Variants in KPNA7 observed in about 807,000 individuals in gnomAD.
KPNA7 encodes the protein importin subunit alpha-8.
A neutral mutation model predicts 53.7 loss-of-function variants in KPNA7; 54 were observed. The ratio of observed to expected loss-of-function variants is 1.01; its 90% CI spans 0.81 to 1.26. The LOEUF is 1.26. KPNA7 is among the 50% of genes most tolerant of loss of function. KPNA7 has a pLI of 0.00. For synonymous variants in KPNA7, 276 were observed against 259.3 expected (o/e 1.06, Z -0.62); for missense variants, 640 against 644.5 (o/e 0.99, Z 0.07).
downstream of KPNA7, among the ~76,000 whole-genome samples, chr7:99,173,079 A>AGAAAAAG (rs200805277): frequency 6.6e-6 from 1 of 150,656 alleles, no homozygotes; most frequent in South Asian, 2.1e-4. Flanking sequence ...AAAAAAAAAA[A>AGAAAAAG]AAAAAGAAAA....
chr7:99,183,560 G>A (rs1278065975), intron 8 of KPNA7, among the ~76,000 whole-genome samples: 1 of 152,160 alleles, frequency 6.6e-6, no homozygotes, highest in Non-Finnish European at 1.5e-5. Context: ...CAGATTGGAA[G>A]ATGCTATAAT....
intron 2 of KPNA7, 86 bp downstream of exon 2, chr7:99,207,315 G>T: frequency 8.9e-7 from 1 of 1,122,388 alleles, no homozygotes. Context: ...TTACAGGCAT[G>T]AGCCACCGCG....
At chr7:99,149,221 G>A in the KPNA7 span, among the ~76,000 whole-genome samples, 1 of 151,994 alleles carries the variant, frequency 6.6e-6, no homozygotes, top group Non-Finnish European at 1.5e-5. Context: ...TTTTTCTAAA[G>A]GAAATTATCA....
intron 1 of KPNA7, among the ~76,000 whole-genome samples, chr7:99,218,249 GT>G (rs1396449166): frequency 1.3e-5 from 2 of 152,128 alleles, no homozygotes; most frequent in Non-Finnish European, 2.9e-5. Flanking sequence ...AGCCTCCTGA[GT>G]AGCTAGGACT....
chr7:99,186,093 A>G (rs1789574389), intron 7 of KPNA7, among the ~76,000 whole-genome samples: 1 of 152,122 alleles, frequency 6.6e-6, no homozygotes, highest in Non-Finnish European at 1.5e-5. Context: ...GCGCCCAGTG[A>G]CTATACTCTT....
intron 5 of KPNA7, among the ~76,000 whole-genome samples, chr7:99,193,779 G>A (rs1451275153): frequency 1.3e-5 from 2 of 151,938 alleles, no homozygotes; most frequent in South Asian, 4.2e-4. Context: ...CAGAACTCAA[G>A]CAATTGTCCC....
intron 2 of KPNA7, among the ~76,000 whole-genome samples, chr7:99,205,409 TCAAAA>T (rs1790751450): frequency 3.1e-5 from 1 of 32,136 alleles, no homozygotes; most frequent in Admixed American, 4.3e-4. Context: ...AGACTCCATC[TCAAAA>T]AAAAAAAAAA....
chr7:99,192,366 G>A (rs944764203), intron 6 of KPNA7, among the ~76,000 whole-genome samples: 3 of 152,136 alleles, frequency 2.0e-5, no homozygotes, highest in Non-Finnish European at 1.5e-5. Flanking sequence ...CCTAAAGACA[G>A]AGCTGAGTCA....
At chr7:99,187,589 T>C (rs1392022088) in intron 7 of KPNA7, among the ~76,000 whole-genome samples, 2 of 136,214 alleles carry the variant, frequency 1.5e-5, no homozygotes, top group Non-Finnish European at 3.1e-5. Flanking sequence ...GGAATGTCAC[T>C]GTCACCCAGG....
intron 3 of KPNA7, among the ~76,000 whole-genome samples, chr7:99,201,998 G>A (rs1222818889): frequency 2.6e-5 from 4 of 152,116 alleles, no homozygotes; most frequent in Non-Finnish European, 5.9e-5. Flanking sequence ...GTGAACCACT[G>A]TGCTTGGCCT....
chr7:99,215,647 G>A (rs1458993940), intron 1 of KPNA7, among the ~76,000 whole-genome samples: 1 of 152,050 alleles, frequency 6.6e-6, no homozygotes, highest in Non-Finnish European at 1.5e-5. Flanking sequence ...TCACATGGCT[G>A]TTGGCAGCGA....
At chr7:99,203,061 A>G (rs903625075) in intron 3 of KPNA7, 45 bp downstream of exon 3, 9 of 1,537,760 alleles carry the variant, frequency 5.9e-6, no homozygotes, top group African/African-American at 1.4e-5. Flanking sequence ...GACACTTGCT[A>G]AGAACATATT....
At chr7:99,212,233 CTTTTTTTT>C (rs34555248), upstream of KPNA7, among the ~76,000 whole-genome samples, 13 of 47,216 alleles carry the variant, frequency 2.8e-4, no homozygotes, top group East Asian at 9.6e-4. Flanking sequence ...CACATGTGTC[CTTTTTTTT>C]TTTTTTTTTT....
At chr7:99,175,329 C>T (rs890188533) in intron 10 of KPNA7, among the ~76,000 whole-genome samples, 1 of 151,902 alleles carries the variant, frequency 6.6e-6, no homozygotes, top group African/African-American at 2.4e-5. Context: ...AGGCACATGC[C>T]ATTACACCTG....
intron 3 of KPNA7, among the ~76,000 whole-genome samples, chr7:99,197,618 T>C (rs1415484074): frequency 6.6e-6 from 1 of 152,154 alleles, no homozygotes; most frequent in African/African-American, 2.4e-5. Flanking sequence ...AGAATATCAG[T>C]GAACAGATAT....
chr7:99,185,227 C>T (rs1789520783), intron 7 of KPNA7, 65 bp from the exon 8 acceptor site: 1 of 1,146,272 alleles, frequency 8.7e-7, no homozygotes, highest in Non-Finnish European at 1.3e-6. Context: ...AACAATCACA[C>T]CAAGTTCTGT....
At chr7:99,170,862 T>A (rs538391739), downstream of KPNA7, among the ~76,000 whole-genome samples, 10 of 152,216 alleles carry the variant, frequency 6.6e-5, no homozygotes, top group African/African-American at 1.7e-4. Flanking sequence ...AAGATAATGA[T>A]CGATGCTTGC....
At chr7:99,209,689 A>AT (rs1233330938), upstream of KPNA7, among the ~76,000 whole-genome samples, 1,089 of 117,778 alleles carry the variant, frequency 9.2e-3, 17 homozygotes, top group African/African-American at 0.041. Flanking sequence ...ACTCAAAAAA[A>AT]AAAAAAAAAA....
At chr7:99,172,759 T>C (rs971183992), downstream of KPNA7, among the ~76,000 whole-genome samples, 16 of 152,160 alleles carry the variant, frequency 1.1e-4, no homozygotes, top group African/African-American at 2.4e-4. Flanking sequence ...ATATTGTATC[T>C]GCAAGTCGAA....
Sources: gnomAD v4.1 joint callset for allele counts (sites outside exome capture counted in the v4.1 genomes callset) on GRCh38, gnomAD v4.1.1 for gene constraint, MANE v1.5 for transcripts, NCBI Gene and HGNC (gene_info 2026-07-23, HGNC 2026-07-21) for gene names.